The following LPP variants were observed in gnomAD, a reference collection of about 807,000 sequenced individuals.
The protein encoded by LPP is lipoma-preferred partner.
LPP carries 38 observed loss-of-function variants against 60.4 expected under a neutral mutation model. The ratio of observed to expected loss-of-function variants is 0.63; its 90% CI spans 0.49 to 0.83. LPP has a LOEUF of 0.83. Among genes scored for constraint, LPP ranks in the 40% least tolerant of loss-of-function variants. The pLI is 0.00. For missense variants in LPP, 902 were observed against 783.6 expected (o/e 1.15, Z -1.80); for synonymous variants, 328 against 290.8 (o/e 1.13, Z -1.30).
At chr3:188,509,821 T>C (rs1579481969) in intron 5 of LPP, among the ~76,000 whole-genome samples, 1 of 151,240 alleles carries the variant, frequency 6.6e-6, no homozygotes, top group East Asian at 1.9e-4. Flanking sequence ...GCTTCCCAAG[T>C]AGCTGGGATT....
intron 2 of LPP, among the ~76,000 whole-genome samples, chr3:188,252,206 T>C (rs910237977): frequency 7.2e-6 from 1 of 138,854 alleles, no homozygotes; most frequent in Non-Finnish European, 1.6e-5. Flanking sequence ...TATATATATA[T>C]GTTTTTATAT....
intron 9 of LPP, among the ~76,000 whole-genome samples, chr3:188,772,419 C>A (rs1458089977): frequency 6.6e-6 from 1 of 152,226 alleles, no homozygotes; most frequent in African/African-American, 2.4e-5. Context: ...CACTGGCATC[C>A]TTGACACACT....
chr3:188,717,900 C>G (rs137887484), intron 8 of LPP, among the ~76,000 whole-genome samples: 6 of 152,012 alleles, frequency 3.9e-5, no homozygotes, highest in African/African-American at 1.5e-4. Context: ...GCACCACAAA[C>G]TCCACCTCCA....
At chr3:188,378,700 G>A (rs997574675) in intron 3 of LPP, among the ~76,000 whole-genome samples, 22 of 152,162 alleles carry the variant, frequency 1.4e-4, no homozygotes, top group Non-Finnish European at 1.2e-4. Flanking sequence ...GCTCGTGCAC[G>A]GTGCACTGCA....
In LPP at chr3:188,889,677, T is replaced by C; in HGVS notation, c.*15198T>C. 1 of 223,266 alleles carries C rather than the reference T, an allele frequency of 4.5e-6. No individual in the cohort carries two copies. The highest frequency in any genetic ancestry group is 6.5e-5 in the East Asian group (1 of 15,376). The allele number at this position is 223,266 out of a possible 1,614,324, so 13.8% of individuals were successfully genotyped here. On this transcript the variant is annotated 3_prime_UTR_variant, in exon 12 of 12. Coordinates refer to ENST00000617246, the MANE Select transcript of LPP (RefSeq NM_001375462.1). ...CCATTGCAGTCAGCCACCATTCTCTTTTCCATATAAGGAGCCCCATTACAT... is the reference window on the plus strand; with the variant it reads ...CCATTGCAGTCAGCCACCATTCTCTCTTCCATATAAGGAGCCCCATTACAT...
intron 8 of LPP, among the ~76,000 whole-genome samples, chr3:188,714,385 A>G (rs1712911067): frequency 6.6e-6 from 1 of 152,130 alleles, no homozygotes; most frequent in South Asian, 2.1e-4. Context: ...AAACATCCTG[A>G]ATTAACTGCT....
chr3:188,292,920 C>G (rs768839758), intron 2 of LPP, among the ~76,000 whole-genome samples: 3 of 152,158 alleles, frequency 2.0e-5, no homozygotes, highest in African/African-American at 4.8e-5. Context: ...CAGTAAGGAT[C>G]AACTTGTATA....
intron 6 of LPP, among the ~76,000 whole-genome samples, chr3:188,527,976 G>T (rs1450343410): frequency 6.6e-6 from 1 of 152,066 alleles, no homozygotes; most frequent in Non-Finnish European, 1.5e-5. Flanking sequence ...ACACTGCATG[G>T]ATTTATGCAA....
At chr3:188,329,489 A>C (rs1298080939) in intron 2 of LPP, among the ~76,000 whole-genome samples, 2 of 152,196 alleles carry the variant, frequency 1.3e-5, no homozygotes, top group African/African-American at 4.8e-5. Context: ...ATTCCTGATC[A>C]AAAAACATGA....
At chr3:188,686,682 G>C (rs546509323) in intron 7 of LPP, among the ~76,000 whole-genome samples, 1 of 152,242 alleles carries the variant, frequency 6.6e-6, no homozygotes, top group South Asian at 2.1e-4. Context: ...GATTCTGATG[G>C]GCAGCCAAGA....
chr3:188,753,863 G>C (rs577056960), intron 8 of LPP, among the ~76,000 whole-genome samples: 1 of 152,088 alleles, frequency 6.6e-6, no homozygotes, highest in African/African-American at 2.4e-5. Flanking sequence ...CACTAGCCAC[G>C]TACCTGTTGA....
chr3:188,622,689 A>G (rs1486819528), intron 7 of LPP, among the ~76,000 whole-genome samples: 4 of 152,092 alleles, frequency 2.6e-5, no homozygotes, highest in Admixed American at 2.0e-4. Context: ...GCTGGACTCC[A>G]CCCACTCATA....
chr3:188,276,695 TTCTCTCTCTCTCTC>T (rs768545804), intron 2 of LPP, among the ~76,000 whole-genome samples: 2 of 16,404 alleles, frequency 1.2e-4, no homozygotes, highest in Admixed American at 4.5e-4. Context: ...CTCTCTCTCT[TTCTCTCTCTCTCTC>T]TCTCTCTCTC....
intron 9 of LPP, among the ~76,000 whole-genome samples, chr3:188,802,860 G>A (rs977775322): frequency 1.3e-5 from 2 of 151,966 alleles, no homozygotes; most frequent in African/African-American, 4.8e-5. Context: ...ACTTGGCTAA[G>A]TTCTCAAAAG....
chr3:188,180,277 C>T (rs1338451392), intron 1 of LPP: 1 of 154,862 alleles, frequency 6.5e-6, no homozygotes, highest in Non-Finnish European at 1.5e-5. Flanking sequence ...CCACCTTGCC[C>T]TGCTCTCGTC....
chr3:188,805,683 A>T (rs1424412985), intron 9 of LPP, among the ~76,000 whole-genome samples: 1 of 151,736 alleles, frequency 6.6e-6, no homozygotes, highest in Non-Finnish European at 1.5e-5. Context: ...AAAGTTAAAG[A>T]TTCAGTTGTT....
chr3:188,771,905 T>C (rs1736170349), intron 9 of LPP, among the ~76,000 whole-genome samples: 1 of 152,162 alleles, frequency 6.6e-6, no homozygotes. Context: ...GAGCTCGGTT[T>C]TCTCAAAATG....
intron 8 of LPP, among the ~76,000 whole-genome samples, chr3:188,741,282 T>C (rs1724327066): frequency 6.6e-6 from 1 of 152,034 alleles, no homozygotes; most frequent in South Asian, 2.1e-4. Context: ...AGTTTTAAAC[T>C]TCTGTCTTTG....
intron 3 of LPP, among the ~76,000 whole-genome samples, chr3:188,361,401 GT>G (rs1172766886): frequency 5.3e-5 from 8 of 151,456 alleles, no homozygotes; most frequent in African/African-American, 1.9e-4. Flanking sequence ...CATTCTCTAG[GT>G]TTTTTCCTTC....
Sources: gnomAD v4.1 joint callset for allele counts (sites outside exome capture counted in the v4.1 genomes callset) on GRCh38, gnomAD v4.1.1 for gene constraint, MANE v1.5 for transcripts, NCBI Gene and HGNC (gene_info 2026-07-23, HGNC 2026-07-21) for gene names.